The following MEGF6 variants were observed in gnomAD, a reference collection of about 807,000 sequenced individuals.
MEGF6 encodes multiple epidermal growth factor-like domains protein 6.
Under a neutral mutation model 207.1 loss-of-function variants are expected in MEGF6, and 184 were observed. The observed-to-expected ratio is 0.89, with a 90% CI of 0.79 to 1.00. The LOEUF (loss-of-function observed/expected upper bound fraction) is 1.00, where lower values mean the gene tolerates loss of function less well. MEGF6 is among the 50% of genes least tolerant of loss of function. The probability of loss-of-function intolerance (pLI) is 0.00; values close to 1 mark genes in which losing one functional copy is unlikely to be tolerated. For synonymous variants in MEGF6, 1,038 were observed against 910.0 expected (o/e 1.14, Z -2.53); for missense variants, 2,282 against 2,202.9 (o/e 1.04, Z -0.72).
rs781233806 is a variant in MEGF6 at position 3,509,198 on chromosome 1, G to A, written c.1405C>T (p.Arg469Trp). ...AGCACGGCAATGTGGGGCAGGGGCC[G>A]CACGAAAGGCAGCTCGCCGTCCAGG... ...VDLDGELPFV[R>W]PLPHIAVLQD... is the part of the protein sequence containing the mutation. Residue 469 changes from arginine to tryptophan, a missense_variant, in exon 12 of 37, where the codon CGG becomes TGG. Coordinates refer to ENST00000356575, the MANE Select transcript of MEGF6 (RefSeq NM_001409.4). The A allele has an allele frequency of 1.7e-5, 26 of 1,562,550 alleles. No individual in the cohort carries two copies. The highest frequency in any genetic ancestry group is 7.5e-5 in the Admixed American group (4 of 53,280).
rs1292975281 is a variant in MEGF6 at position 3,560,845 on chromosome 1, T to C, written c.481+18980A>G. 2.3e-6 allele frequency: 1 copy of C among 441,314 alleles called. No individual in the cohort carries two copies. Among genetic ancestry groups the C allele is most frequent in the East Asian group, 7.3e-5 (1 of 13,732 alleles). The allele number at this position is 441,314 out of a possible 1,614,324, so 27.3% of individuals were successfully genotyped here. A position where few individuals can be genotyped will look rare whatever the true frequency, so the allele number is the denominator to read the frequency against. ...GCCTCAGGCGTCGGCCGCGAGGGGG[T>C]TGCTGGGCTGGCTGGTCCCCCAGGT... On this transcript the variant is annotated intron_variant, in intron 4 of 36. Transcript: ENST00000356575. This position sits in a 1 kb window ranked among gnomAD's most constrained non-coding sequence, Gnocchi z 4.0.
chr1:3,599,488 G>C (rs747088540), intron 2 of MEGF6, among the ~76,000 whole-genome samples: 2 of 152,232 alleles, frequency 1.3e-5, no homozygotes, highest in African/African-American at 2.4e-5. Flanking sequence ...CCAAGCCCTC[G>C]GGGACACTGT....
At chr1:3,590,901 G>GTGTAAAGAGTGAGCGTCTGTCC (rs1643966177) in intron 3 of MEGF6, among the ~76,000 whole-genome samples, 1 of 147,438 alleles carries the variant, frequency 6.8e-6, no homozygotes, top group Non-Finnish European at 1.5e-5. Flanking sequence ...CACAGGGGCC[G>GTGTAAAGAGTGAGCGTCTGTCC]TGCACCCCAC....
chr1:3,509,803 C>T (rs971002763), intron 11 of MEGF6, 67 bp downstream of exon 11: 27 of 1,478,458 alleles, frequency 1.8e-5, no homozygotes, highest in African/African-American at 5.7e-5. Flanking sequence ...GCCTGCGGGA[C>T]GCAGGGTCAG....
intron 11 of MEGF6, among the ~76,000 whole-genome samples, 163 bp downstream of exon 11, chr1:3,509,707 C>T (rs1039373796): frequency 2.0e-5 from 3 of 152,210 alleles, no homozygotes; most frequent in African/African-American, 7.2e-5. Context: ...AGTGGGTCCC[C>T]AAGGGCCCAA....
chr1:3,542,919 A>G (rs553210060), intron 4 of MEGF6, among the ~76,000 whole-genome samples: 1 of 152,284 alleles, frequency 6.6e-6, no homozygotes, highest in East Asian at 1.9e-4. Context: ...AGGAGCCTGA[A>G]TTCCTCCCCA....
chr1:3,562,697 C>G (rs1320433745), intron 4 of MEGF6, among the ~76,000 whole-genome samples: 1 of 152,236 alleles, frequency 6.6e-6, no homozygotes, highest in Non-Finnish European at 1.5e-5. Flanking sequence ...AGAGCCACTA[C>G]CAGGCTGGAC....
At chr1:3,546,189 G>A (rs1047503872) in intron 4 of MEGF6, among the ~76,000 whole-genome samples, 1 of 152,120 alleles carries the variant, frequency 6.6e-6, no homozygotes, top group Non-Finnish European at 1.5e-5. Flanking sequence ...CACCCTCCTC[G>A]GCCTCCTCCC....
intron 22 of MEGF6, 24 bp downstream of exon 22, chr1:3,499,771 AG>A: frequency 6.3e-7 from 1 of 1,576,578 alleles, no homozygotes; most frequent in South Asian, 1.2e-5. Context: ...CACCCAGCCT[AG>A]CCCCCGCCTG....
At chr1:3,578,873 T>C (rs2794342) in intron 4 of MEGF6, among the ~76,000 whole-genome samples, 73,579 of 101,316 alleles carry the variant, frequency 0.73, 26,304 homozygotes, top group African/African-American at 0.78. Context: ...CCAGCACCTC[T>C]GCAGAACCCC....
intron 2 of MEGF6, among the ~76,000 whole-genome samples, chr1:3,601,601 G>C (rs1644160351): frequency 6.6e-6 from 1 of 152,184 alleles, no homozygotes; most frequent in Admixed American, 6.5e-5. Context: ...CCCTCAGCCT[G>C]CCCAGCTCAC....
chr1:3,498,381 C>T lies in MEGF6; in HGVS notation c.3342G>A (p.Lys1114=). 2 of 1,602,232 alleles carry T rather than the reference C, an allele frequency of 1.2e-6. No individual in the cohort carries two copies. The highest frequency in any genetic ancestry group is 1.1e-5 in the South Asian group (1 of 90,704). The change falls in exon 26 of 37, where the codon AAG becomes AAA. Residue 1114 remains lysine (K), a synonymous_variant. Coordinates refer to ENST00000356575, the MANE Select transcript of MEGF6 (RefSeq NM_001409.4). Reference sequence around the variant, plus strand: ...CCCCGCCCCACTCACGGCTCTGACACTTGTCCCCAGTCCAGCCGGCTGGGC... The same window carrying T: ...CCCCGCCCCACTCACGGCTCTGACATTTGTCCCCAGTCCAGCCGGCTGGGC... ...CLCPAGWTGD[K]CQSPCLRGWF...
At chr1:3,507,272 G>A (rs945119557) in intron 14 of MEGF6, among the ~76,000 whole-genome samples, 7 of 152,254 alleles carry the variant, frequency 4.6e-5, no homozygotes, top group African/African-American at 1.2e-4. Context: ...GAAAGAGGCA[G>A]AAATGATGAA....
At chr1:3,617,284 C>T in the MEGF6 span, among the ~76,000 whole-genome samples, 5 of 152,204 alleles carry the variant, frequency 3.3e-5, no homozygotes, top group African/African-American at 9.7e-5. Flanking sequence ...CGCCACCATG[C>T]TAGCAGCTCA....
chr1:3,551,728 T>C (rs1642890495), intron 4 of MEGF6, among the ~76,000 whole-genome samples: 1 of 151,868 alleles, frequency 6.6e-6, no homozygotes, highest in South Asian at 2.1e-4. Context: ...GAGCCCGAGA[T>C]GGGGGAGCTG....
intron 2 of MEGF6, among the ~76,000 whole-genome samples, chr1:3,598,011 A>G (rs1430412333): frequency 1.3e-5 from 2 of 152,218 alleles, no homozygotes; most frequent in African/African-American, 2.4e-5. Flanking sequence ...GAGGCAAGAC[A>G]GAGAGACATA....
intron 3 of MEGF6, among the ~76,000 whole-genome samples, chr1:3,590,900 C>CCTCTAAAGA (rs1557802027): frequency 1.3e-5 from 2 of 152,166 alleles, no homozygotes; most frequent in East Asian, 1.9e-4. Flanking sequence ...GCACAGGGGC[C>CCTCTAAAGA]GTGCACCCCA....
intron 4 of MEGF6, among the ~76,000 whole-genome samples, chr1:3,526,783 G>A (rs911667083): frequency 2.0e-5 from 3 of 152,152 alleles, no homozygotes; most frequent in Non-Finnish European, 2.9e-5. Flanking sequence ...GCTGAGAGCC[G>A]CCAAAGAGTC....
intron 26 of MEGF6, 142 bp downstream of exon 26, chr1:3,498,229 C>T (rs555254193): frequency 1.5e-5 from 17 of 1,102,154 alleles, no homozygotes; most frequent in East Asian, 5.3e-5. Context: ...CTTAGTGCTC[C>T]GACGGCAGCT....
Sources: allele counts gnomAD v4.1 joint callset (sites outside exome capture counted in the v4.1 genomes callset), GRCh38; gene constraint gnomAD v4.1.1; non-coding constraint Gnocchi (gnomAD v3.1); transcripts MANE v1.5; gene names NCBI Gene and HGNC (gene_info 2026-07-23, HGNC 2026-07-21).